The following LRP1 variants were observed in gnomAD, a reference collection of about 807,000 sequenced individuals.
LRP1 encodes LDL receptor related protein 1, also known as prolow-density lipoprotein receptor-related protein 1.
A neutral mutation model predicts 541.5 loss-of-function variants in LRP1; 51 were observed. That is an observed-to-expected ratio of 0.09 (90% CI 0.08 to 0.12). LRP1 has a LOEUF of 0.12. LRP1 is among the 10% of genes least tolerant of loss of function. The pLI, the probability that LRP1 is intolerant of heterozygous loss-of-function variation, is 1.00. For synonymous variants in LRP1, 2,219 were observed against 2,470.8 expected (o/e 0.90, Z 3.02); for missense variants, 3,878 against 6,376.2 (o/e 0.61, Z 13.34).
Position 57,156,434 on chromosome 12 carries a change from C to T in LRP1, c.1417+151C>T, listed in dbSNP as rs2035621666. The T allele has an allele frequency of 3.6e-6, 3 of 831,258 alleles. No individual in the cohort carries two copies. In the South Asian group the frequency reaches 5.4e-5, roughly 15 times the overall value. The allele number at this position is 831,258 out of a possible 1,614,324, so 51.5% of individuals were successfully genotyped here. A position where few individuals can be genotyped will look rare whatever the true frequency, so the allele number is the denominator to read the frequency against. ...TCTCCTAGCCAGCCACTCGGGCTAC[C>T]TGCCCTGGCCCCTCAGCTTCCCCTG... On this transcript the variant is annotated intron_variant, in intron 9 of 88. Coordinates refer to ENST00000243077, the MANE Select transcript of LRP1 (RefSeq NM_002332.3). The surrounding 1 kb of genome is among the most constrained non-coding windows in gnomAD (Gnocchi z 5.2).
At chr12:57,171,356 G>A (rs2035941117) in intron 20 of LRP1, among the ~76,000 whole-genome samples, 1 of 152,104 alleles carries the variant, frequency 6.6e-6, no homozygotes, top group African/African-American at 2.4e-5. Flanking sequence ...CAGGAGGGAG[G>A]GTCTTCCAGT....
At position 57,180,332 on chromosome 12, in the gene LRP1, C is replaced by T. The variant is rs781313078; in HGVS notation, c.5239C>T (p.Leu1747=). Reference sequence around the variant, plus strand: ...GGCAGTGACTCCCCCTTTTCCAGGCCTGGCTATTGACTTCCCTGAAAGCAA... The same window carrying T: ...GGCAGTGACTCCCCCTTTTCCAGGCTTGGCTATTGACTTCCCTGAAAGCAA... ...LFSGQKGPVG[L]AIDFPESKLY... Residue 1747 remains leucine (L), a splice_region_variant and synonymous_variant, in exon 32 of 89, where the codon CTG becomes TTG. Transcript: ENST00000243077. 4 of 1,613,900 alleles carry T rather than the reference C, an allele frequency of 2.5e-6. No individual in the cohort carries two copies. The highest frequency in any genetic ancestry group is 3.4e-6 in the Non-Finnish European group (4 of 1,179,968).
intron 44 of LRP1, among the ~76,000 whole-genome samples, chr12:57,191,730 C>T: frequency 6.8e-6 from 1 of 146,418 alleles, no homozygotes; most frequent in African/African-American, 2.5e-5. Flanking sequence ...ACACCCCCCA[C>T]ACACCACATA....
In LRP1 at chr12:57,196,078, C is replaced by T. The variant is rs766059491; in HGVS notation, c.8702-9C>T. The T allele has an allele frequency of 1.9e-6, 3 of 1,609,458 alleles. No homozygotes were observed. In the South Asian group the frequency reaches 3.3e-5, roughly 18 times the overall value. On this transcript the variant is annotated splice_polypyrimidine_tract_variant and intron_variant, in intron 54 of 88. Coordinates refer to ENST00000243077, the MANE Select transcript of LRP1 (RefSeq NM_002332.3). ...ACCCCGCTGACCTGCCGCCTCCGCC[C>T]CTCCGCAGAGCACAAGTGCAATGCC... is the stretch of plus-strand genomic sequence containing the variant.
At position 57,128,717 on chromosome 12, in the gene LRP1, CG is replaced by C. The variant is rs893655237; in HGVS notation, c.-241del. The C allele has an allele frequency of 3.8e-5, 16 of 415,966 alleles. No homozygotes were observed. Among genetic ancestry groups the C allele is most frequent in the Non-Finnish European group, 5.6e-5 (13 of 234,056 alleles). The allele number at this position is 415,966 out of a possible 1,614,324, so 25.8% of individuals were successfully genotyped here. On this transcript the variant is annotated 5_prime_UTR_variant, in exon 1 of 89. Coordinates refer to ENST00000243077, the MANE Select transcript of LRP1 (RefSeq NM_002332.3). ...GGGGAAAGAGCAGCGAGGAGTGAAGCGGGGGGGTGGGGTGAAGGGTTTGGAT... is the reference window on the plus strand; with the variant it reads ...GGGGAAAGAGCAGCGAGGAGTGAAGCGGGGGGTGGGGTGAAGGGTTTGGAT...
Position 57,197,139 on chromosome 12 carries a change from A to G in LRP1, c.9050A>G (p.Asp3017Gly). ...CVEGYAPRGG[D>G]PHSCKAVTDE... is the part of the protein sequence containing the mutation. Reference sequence around the variant, plus strand: ...GAGGGCTATGCACCCCGCGGCGGCGACCCCCACAGCTGCAAGGCTGTGACT... The same window carrying G: ...GAGGGCTATGCACCCCGCGGCGGCGGCCCCCACAGCTGCAAGGCTGTGACT... Residue 3017 changes from aspartate (D) to glycine (G), a missense_variant, in exon 56 of 89, where the codon GAC (aspartate) becomes GGC (glycine). Asp to Gly is a moderately conservative substitution (Grantham distance 94, BLOSUM62 -1). Coordinates refer to ENST00000243077, the MANE Select transcript of LRP1 (RefSeq NM_002332.3). The surrounding 1 kb of genome is among the most constrained non-coding windows in gnomAD (Gnocchi z 4.5). The G allele has an allele frequency of 6.2e-7, 1 of 1,613,828 alleles. No homozygotes were observed. Among genetic ancestry groups the G allele is most frequent in the Non-Finnish European group, 8.5e-7 (1 of 1,179,996 alleles).
In LRP1 at chr12:57,202,027, C is replaced by T. The variant is rs1285528024; in HGVS notation, c.10594+122C>T. ...GTCTCAGCGTGGCCCTGCTGCTGGG[C>T]TTCCTGGGCCTGCTGTGGGGCTGGG... On this transcript the variant is annotated intron_variant, in intron 67 of 88. Coordinates refer to ENST00000243077, the MANE Select transcript of LRP1 (RefSeq NM_002332.3). 4 of 1,300,444 alleles carry T rather than the reference C, an allele frequency of 3.1e-6. No homozygotes were observed. In the African/African-American group the frequency reaches 5.8e-5, roughly 19 times the overall value. 80.6% of individuals were successfully genotyped at this position (1,300,444 alleles called of 1,614,324 possible). A position where few individuals can be genotyped will look rare whatever the true frequency, so the allele number is the denominator to read the frequency against.
At position 57,197,749 on chromosome 12, in the gene LRP1, C is replaced by A. The variant is rs768292307; in HGVS notation, c.9282+85C>A. ...CGTCTCTCCTTCCCGCCCCACCAAC[C>A]CAAATTGCTTCCTTCTCACTCCACT... On this transcript the variant is annotated intron_variant, in intron 58 of 88. Coordinates refer to ENST00000243077, the MANE Select transcript of LRP1 (RefSeq NM_002332.3). The surrounding 1 kb of genome is among the most constrained non-coding windows in gnomAD (Gnocchi z 4.5). 42 of 1,526,122 alleles carry A rather than the reference C, an allele frequency of 2.8e-5. No homozygotes were observed. Among genetic ancestry groups the A allele is most frequent in the Non-Finnish European group, 3.1e-5 (35 of 1,125,794 alleles). 94.5% of individuals were successfully genotyped at this position (1,526,122 alleles called of 1,614,324 possible).
chr12:57,193,547 C>G lies in LRP1; in HGVS notation c.7685-19C>G, dbSNP rs753670108. On this transcript the variant is annotated intron_variant, in intron 46 of 88. Coordinates refer to ENST00000243077, the MANE Select transcript of LRP1 (RefSeq NM_002332.3). ...CCCTGTGCCTGTGGCTGACACGCAG[C>G]CTACTCCTCCATTTGCAGACTCCCG... The G allele has an allele frequency of 5.6e-6, 9 of 1,611,230 alleles. No individual in the cohort carries two copies. In the South Asian group the frequency reaches 8.8e-5, roughly 16 times the overall value.
At chr12:57,166,290 C>T in intron 17 of LRP1, 81 bp downstream of exon 17, 1 of 1,495,298 alleles carries the variant, frequency 6.7e-7, no homozygotes, top group Middle Eastern at 1.8e-4. Context: ...TTCAGTGGCT[C>T]ATGCCTATAA....
In LRP1 at chr12:57,185,950, G is replaced by C; in HGVS notation, c.6841+42G>C. ...AGTCTTCCCAGGAAGTGGGACATGG[G>C]GCGGGGAGCAGCACAGACTCTTAGA... On this transcript the variant is annotated intron_variant, in intron 41 of 88. Coordinates refer to ENST00000243077, the MANE Select transcript of LRP1 (RefSeq NM_002332.3). The surrounding 1 kb of genome is among the most constrained non-coding windows in gnomAD (Gnocchi z 4.9). 1 of 1,582,554 alleles carries C rather than the reference G, an allele frequency of 6.3e-7. No homozygotes were observed. Among genetic ancestry groups the C allele is most frequent in the Non-Finnish European group, 8.6e-7 (1 of 1,163,514 alleles).
intron 17 of LRP1, chr12:57,166,468 G>A (rs905631535): frequency 6.5e-6 from 3 of 460,422 alleles, no homozygotes; most frequent in Admixed American, 3.8e-5. Context: ...GGCTGAGGTG[G>A]GAGGATCACT....
chr12:57,193,836 G>T (rs1042567981), intron 47 of LRP1, 63 bp from the exon 48 acceptor site: 32 of 1,590,868 alleles, frequency 2.0e-5, no homozygotes, highest in Non-Finnish European at 2.6e-5. Context: ...GCTCTGTCCT[G>T]CGTCCTTCTG....
Position 57,156,838 on chromosome 12 carries a change from C to T in LRP1, c.1479C>T (p.Cys493=). 1 of 1,606,638 alleles carries T rather than the reference C, an allele frequency of 6.2e-7. No homozygotes were observed. Among genetic ancestry groups the T allele is most frequent in the Non-Finnish European group, 8.5e-7 (1 of 1,178,166 alleles). ...YGKPGGCSDI[C]LLANSHKART... ...AGCCGGGTGGCTGCTCTGACATCTG[C>T]CTGCTGGCCAACAGCCACAAGGCGC... Residue 493 remains cysteine, a synonymous_variant, in exon 10 of 89, where the codon TGC becomes TGT. Coordinates refer to ENST00000243077, the MANE Select transcript of LRP1 (RefSeq NM_002332.3). This position sits in a 1 kb window ranked among gnomAD's most constrained non-coding sequence, Gnocchi z 5.2.
chr12:57,145,288 C>T lies in LRP1; in HGVS notation c.639C>T (p.Tyr213=). 1 of 1,614,160 alleles carries T rather than the reference C, an allele frequency of 6.2e-7. No individual in the cohort carries two copies. Among genetic ancestry groups the T allele is most frequent in the Non-Finnish European group, 8.5e-7 (1 of 1,180,034 alleles). Residue 213 remains tyrosine (Y), a synonymous_variant, in exon 6 of 89, where the codon TAC becomes TAT. Coordinates refer to ENST00000243077, the MANE Select transcript of LRP1 (RefSeq NM_002332.3). ...IANSQNILAT[Y]LSGAQVSTIT... ...ACTCCCAGAACATCTTGGCCACGTACCTGAGTGGGGCCCAGGTGTCTACCA... is the reference window on the plus strand; with the variant it reads ...ACTCCCAGAACATCTTGGCCACGTATCTGAGTGGGGCCCAGGTGTCTACCA...
At position 57,173,115 on chromosome 12, in the gene LRP1, G is replaced by A. The variant is rs1339355243; in HGVS notation, c.3164-53G>A. The stretch of plus-strand genomic sequence containing the variant: ...GGGTGGCAGGGCACAGGGATGAGGA[G>A]GGCTGACCTGGGCAACCCCTCCCTC... On this transcript the variant is annotated intron_variant, in intron 20 of 88. Transcript: ENST00000243077. The surrounding 1 kb of genome is among the most constrained non-coding windows in gnomAD (Gnocchi z 4.7). The A allele has an allele frequency of 1.3e-6, 2 of 1,484,456 alleles. No homozygotes were observed. Among genetic ancestry groups the A allele is most frequent in the Non-Finnish European group, 1.8e-6 (2 of 1,092,892 alleles). The allele number at this position is 1,484,456 out of a possible 1,614,324, so 92.0% of individuals were successfully genotyped here.
intron 44 of LRP1, 120 bp downstream of exon 44, chr12:57,191,632 A>T: frequency 1.3e-6 from 1 of 795,730 alleles, no homozygotes; most frequent in South Asian, 1.8e-5. Flanking sequence ...ACACACACAC[A>T]TCCCACACAT....
chr12:57,166,532 G>GCC (rs1222785386), intron 17 of LRP1: 8 of 396,098 alleles, frequency 2.0e-5, no homozygotes, highest in Non-Finnish European at 3.7e-5. Flanking sequence ...CTGCTCTCCA[G>GCC]CCTAGACAAC....
Position 57,200,669 on chromosome 12 carries a change from G to A in LRP1, c.10109-30G>A, listed in dbSNP as rs35126021. The A allele has an allele frequency of 9.1e-4, 1,460 of 1,596,224 alleles. 10 individuals are homozygous for A. The African/African-American group carries it at 0.017, about 19-fold the overall frequency. ...GGACCTGGCCGTGTCCACCCCAGCCGCTCTGACTCTGAGCCTCCCTCTCTG... is the reference window on the plus strand; with the variant it reads ...GGACCTGGCCGTGTCCACCCCAGCCACTCTGACTCTGAGCCTCCCTCTCTG... On this transcript the variant is annotated intron_variant, in intron 63 of 88. Transcript: ENST00000243077.
Sources: allele counts gnomAD v4.1 joint callset (sites outside exome capture counted in the v4.1 genomes callset), GRCh38; gene constraint gnomAD v4.1.1; non-coding constraint Gnocchi (gnomAD v3.1); transcripts MANE v1.5; gene names NCBI Gene and HGNC (gene_info 2026-07-23, HGNC 2026-07-21).